Variants in RPS6KC1 observed in about 807,000 individuals in gnomAD.
The protein encoded by RPS6KC1 is ribosomal protein S6 kinase C1, also known as inactive ribosomal protein S6 kinase delta-1.
RPS6KC1 carries 54 observed loss-of-function variants against 103.8 expected under a neutral mutation model. That is an observed-to-expected ratio of 0.52 (90% confidence interval 0.42 to 0.65). The LOEUF (loss-of-function observed/expected upper bound fraction) is 0.65. Ranked by LOEUF, RPS6KC1 falls within the 30% of genes least tolerant of loss-of-function variation. The probability of loss-of-function intolerance (pLI) is 0.00; values close to 1 mark genes in which losing one functional copy is unlikely to be tolerated. For missense variants in RPS6KC1, 1,151 were observed against 1,253.8 expected (o/e 0.92, Z 1.24); for synonymous variants, 439 against 438.7 (o/e 1.00, Z -0.01).
At position 213,051,294 on chromosome 1, in the gene RPS6KC1, C is replaced by G; in HGVS notation, c.-111C>G. 1.3e-6 allele frequency: 1 copy of G among 750,308 alleles called. No homozygotes were observed. The highest frequency in any genetic ancestry group is 1.7e-5 in the South Asian group (1 of 60,492). 46.5% of individuals were successfully genotyped at this position (750,308 alleles called of 1,614,324 possible). A position where few individuals can be genotyped will look rare whatever the true frequency, so the allele number is the denominator to read the frequency against. On this transcript the variant is annotated 5_prime_UTR_variant, in exon 1 of 15. Coordinates refer to ENST00000366960, the MANE Select transcript of RPS6KC1 (RefSeq NM_012424.6). ...GCGCCGCCGTGGAGCCGCCTTGGAG[C>G]CACCGCCCCCTCGCCGCTTCGCCGC...
At chr1:213,777,927 A>T in the RPS6KC1 span, among the ~76,000 whole-genome samples, 10 of 152,280 alleles carry the variant, frequency 6.6e-5, no homozygotes, top group East Asian at 1.9e-3. Flanking sequence ...TCATCACCAC[A>T]TCTTGAGGTA....
chr1:213,811,596 G>C, the RPS6KC1 span, among the ~76,000 whole-genome samples: 1 of 152,188 alleles, frequency 6.6e-6, no homozygotes. Context: ...TCTTCCAGGA[G>C]GACTCATGAA....
At chr1:213,267,441 A>G (rs1344647602) in intron 14 of RPS6KC1, among the ~76,000 whole-genome samples, 1 of 152,076 alleles carries the variant, frequency 6.6e-6, no homozygotes, top group Non-Finnish European at 1.5e-5. Flanking sequence ...TGGGGAAAAA[A>G]TCAGACTCTA....
intron 6 of RPS6KC1, among the ~76,000 whole-genome samples, chr1:213,152,648 C>G (rs1201399082): frequency 2.0e-5 from 3 of 151,296 alleles, no homozygotes; most frequent in Admixed American, 6.6e-5. Flanking sequence ...GATGGGCGGC[C>G]GGGCAGAGAC....
intron 8 of RPS6KC1, among the ~76,000 whole-genome samples, chr1:213,195,192 A>G (rs1224252889): frequency 6.6e-6 from 1 of 152,214 alleles, no homozygotes; most frequent in Non-Finnish European, 1.5e-5. Flanking sequence ...TCCTGGTGGA[A>G]CACTTCTGGG....
chr1:213,508,985 A>T, the RPS6KC1 span, among the ~76,000 whole-genome samples: 1 of 152,224 alleles, frequency 6.6e-6, no homozygotes, highest in African/African-American at 2.4e-5. Flanking sequence ...GCTGTGCCTC[A>T]TCCTTGGAGG....
the RPS6KC1 span, among the ~76,000 whole-genome samples, chr1:213,792,833 AC>A: frequency 2.6e-5 from 4 of 151,090 alleles, no homozygotes; most frequent in African/African-American, 9.7e-5. Flanking sequence ...CACCCCACCA[AC>A]AACCACCCCC....
the RPS6KC1 span, among the ~76,000 whole-genome samples, chr1:213,581,324 T>G: frequency 1.3e-5 from 2 of 152,212 alleles, no homozygotes; most frequent in African/African-American, 4.8e-5. Flanking sequence ...ATTTTAATGT[T>G]GTATTCTTCC....
chr1:213,057,842 T>G (rs1178905936), intron 1 of RPS6KC1, among the ~76,000 whole-genome samples: 1 of 147,646 alleles, frequency 6.8e-6, no homozygotes, highest in Admixed American at 6.8e-5. Context: ...TGGCTCACTG[T>G]AGCCTTGACC....
the RPS6KC1 span, among the ~76,000 whole-genome samples, chr1:213,804,804 A>G: frequency 6.6e-6 from 1 of 152,184 alleles, no homozygotes; most frequent in Non-Finnish European, 1.5e-5. Flanking sequence ...AGAGAAACAC[A>G]TGGGTTTCTA....
At chr1:213,459,554 A>AT in the RPS6KC1 span, among the ~76,000 whole-genome samples, 51 of 151,710 alleles carry the variant, frequency 3.4e-4, no homozygotes, top group South Asian at 8.1e-3. Flanking sequence ...GGATTGATTG[A>AT]TTTTTTGGAG....
At chr1:213,167,818 G>A (rs766315724) in intron 6 of RPS6KC1, 40 bp from the exon 7 acceptor site, 1 of 1,362,678 alleles carries the variant, frequency 7.3e-7, no homozygotes, top group South Asian at 1.3e-5. Context: ...GTTGAACTGA[G>A]GAAAATTTAT....
the RPS6KC1 span, among the ~76,000 whole-genome samples, chr1:213,389,323 G>T: frequency 2.6e-5 from 4 of 152,322 alleles, no homozygotes; most frequent in East Asian, 7.7e-4. Flanking sequence ...TGGAAAAAAA[G>T]GTCTTATATT....
chr1:213,232,565 G>A (rs1374771084), intron 10 of RPS6KC1, among the ~76,000 whole-genome samples: 3 of 152,074 alleles, frequency 2.0e-5, no homozygotes, highest in Admixed American at 6.6e-5. Flanking sequence ...TATTTTAGTG[G>A]TATTTTGTTC....
chr1:213,371,234 CT>C, the RPS6KC1 span, among the ~76,000 whole-genome samples: 1 of 152,180 alleles, frequency 6.6e-6, no homozygotes, highest in Non-Finnish European at 1.5e-5. Flanking sequence ...GCTTATTTCA[CT>C]TACTATGATG....
At chr1:213,217,884 G>A (rs1369645324) in intron 8 of RPS6KC1, among the ~76,000 whole-genome samples, 5 of 152,072 alleles carry the variant, frequency 3.3e-5, no homozygotes, top group Admixed American at 6.6e-5. Flanking sequence ...AAAATAATAA[G>A]AGCTGTCTAT....
the RPS6KC1 span, among the ~76,000 whole-genome samples, chr1:213,353,563 G>A: frequency 1.3e-5 from 2 of 152,200 alleles, no homozygotes; most frequent in Admixed American, 1.3e-4. Flanking sequence ...GGTCCAAGGT[G>A]TCTACTCAGC....
chr1:213,328,616 G>A, the RPS6KC1 span, among the ~76,000 whole-genome samples: 4 of 149,592 alleles, frequency 2.7e-5, no homozygotes, highest in Non-Finnish European at 5.9e-5. Flanking sequence ...CCACTGAGAG[G>A]TCTCAGCAGT....
At chr1:213,761,539 G>C in the RPS6KC1 span, among the ~76,000 whole-genome samples, 402 of 152,318 alleles carry the variant, frequency 2.6e-3, 3 homozygotes, top group African/African-American at 9.3e-3. Flanking sequence ...TGTTGACATT[G>C]TATCTGTGCA....
Sources: gnomAD v4.1 joint callset for allele counts (sites outside exome capture counted in the v4.1 genomes callset) on GRCh38, gnomAD v4.1.1 for gene constraint, MANE v1.5 for transcripts, NCBI Gene and HGNC (gene_info 2026-07-23, HGNC 2026-07-21) for gene names.